SLC4A10: variants seen among roughly 807,000 people sequenced by gnomAD.
The protein encoded by SLC4A10 is solute carrier family 4 member 10.
A neutral mutation model predicts 137.7 loss-of-function variants in SLC4A10; 42 were observed. The ratio of observed to expected loss-of-function variants is 0.30; its 90% CI spans 0.24 to 0.39. The LOEUF (loss-of-function observed/expected upper bound fraction) is 0.39. Ranked by LOEUF, SLC4A10 falls within the 10% of genes least tolerant of loss-of-function variation. The probability of loss-of-function intolerance (pLI) is 1.00; values close to 1 mark genes in which losing one functional copy is unlikely to be tolerated. For missense variants in SLC4A10, 925 were observed against 1,355.0 expected (o/e 0.68, Z 4.98); for synonymous variants, 474 against 464.1 (o/e 1.02, Z -0.27).
At chr2:161,795,208 T>C (rs1239980079) in intron 2 of SLC4A10, among the ~76,000 whole-genome samples, 1 of 152,156 alleles carries the variant, frequency 6.6e-6, no homozygotes, top group Non-Finnish European at 1.5e-5. Context: ...TGTTTTTGAC[T>C]ATTTCAGCCT....
At chr2:161,797,066 T>C (rs548573565) in intron 2 of SLC4A10, among the ~76,000 whole-genome samples, 2 of 152,278 alleles carry the variant, frequency 1.3e-5, no homozygotes, top group African/African-American at 4.8e-5. Context: ...TCTCAGGACA[T>C]ATGTTGATCT....
chr2:161,809,086 G>T (rs901086032), intron 3 of SLC4A10, among the ~76,000 whole-genome samples: 47 of 151,978 alleles, frequency 3.1e-4, no homozygotes, highest in African/African-American at 1.1e-3. Flanking sequence ...ATTATTTTTT[G>T]ACTTTTTAAT....
intron 1 of SLC4A10, among the ~76,000 whole-genome samples, chr2:161,693,665 T>C (rs920637911): frequency 6.7e-6 from 1 of 149,216 alleles, no homozygotes; most frequent in African/African-American, 2.5e-5. Flanking sequence ...CTCTACAAAT[T>C]CGACTTTTTT....
chr2:161,821,541 A>C (rs1054598166), intron 3 of SLC4A10, among the ~76,000 whole-genome samples: 3 of 152,188 alleles, frequency 2.0e-5, no homozygotes, highest in Non-Finnish European at 2.9e-5. Flanking sequence ...AGGTGAGAGA[A>C]TTGCTTGAGC....
intron 1 of SLC4A10, among the ~76,000 whole-genome samples, chr2:161,748,450 G>T (rs71424715): frequency 0.015 from 2,269 of 151,818 alleles, 23 homozygotes; most frequent in Non-Finnish European, 0.023. Flanking sequence ...GTGTGTGTGT[G>T]TGTGTGTGTG....
intron 9 of SLC4A10, among the ~76,000 whole-genome samples, chr2:161,881,073 G>A (rs1236620430): frequency 6.6e-6 from 1 of 151,992 alleles, no homozygotes; most frequent in East Asian, 1.9e-4. Flanking sequence ...AGACTATTTA[G>A]TTAGGAAAGG....
intron 1 of SLC4A10, among the ~76,000 whole-genome samples, chr2:161,765,100 A>G (rs927985905): frequency 4.6e-5 from 7 of 152,112 alleles, no homozygotes; most frequent in African/African-American, 1.7e-4. Flanking sequence ...AGTGATGAGT[A>G]TTTTCAAATG....
chr2:161,887,743 A>G (rs1411213804), intron 10 of SLC4A10, among the ~76,000 whole-genome samples: 1 of 152,044 alleles, frequency 6.6e-6, no homozygotes, highest in East Asian at 1.9e-4. Context: ...ATTTTCTCCC[A>G]TTCTGTAGGT....
chr2:161,769,417 A>T (rs967680426), intron 1 of SLC4A10, among the ~76,000 whole-genome samples: 1 of 151,950 alleles, frequency 6.6e-6, no homozygotes, highest in Non-Finnish European at 1.5e-5. Flanking sequence ...ACTTAAGTCT[A>T]GTCAAAGATC....
chr2:161,904,138 C>T lies in SLC4A10; in HGVS notation c.1577C>T (p.Thr526Met), dbSNP rs1313617772. The change falls in exon 13 of 27, where the codon ACG (threonine) becomes ATG (methionine). Residue 526 changes from threonine (T) to methionine (M), a missense_variant. This residue lies in a region of SLC4A10 where 61 missense variants were observed against 168.0 expected (regional missense o/e 0.36). Coordinates refer to ENST00000446997, the MANE Select transcript of SLC4A10 (RefSeq NM_001178015.2). ...TGCGCGTGTATGTCTCCTGTCATCA[C>T]GTTTGGAGGACTGCTGGGAGAAGCA... ...LYCACMSPVI[T>M]FGGLLGEATE... 5 of 1,611,834 alleles carry T rather than the reference C, an allele frequency of 3.1e-6. No individual in the cohort carries two copies. Among genetic ancestry groups the T allele is most frequent in the Admixed American group, 1.7e-5 (1 of 59,720 alleles).
At position 161,905,754 on chromosome 2, in the gene SLC4A10, C is replaced by T. The variant is rs370148354; in HGVS notation, c.1864C>T (p.Arg622Trp). ...TAGTTCCCTTGTCTGCTACATCACT[C>T]GGTTTACTGAAGAAGCTTTTGCTTC... is the stretch of plus-strand genomic sequence containing the variant. Reference protein sequence around the residue: ...DASSLVCYITRFTEEAFASLI... With the variant: ...DASSLVCYITWFTEEAFASLI... Residue 622 changes from arginine to tryptophan, a missense_variant, in exon 15 of 27, where the codon CGG (arginine) becomes TGG (tryptophan). Arg to Trp is a moderately radical substitution (Grantham distance 101). This residue lies in a region of SLC4A10 where 61 missense variants were observed against 168.0 expected (regional missense o/e 0.36). Coordinates refer to ENST00000446997, the MANE Select transcript of SLC4A10 (RefSeq NM_001178015.2). 6.2e-7 allele frequency: 1 copy of T among 1,613,828 alleles called. No individual in the cohort carries two copies. The highest frequency in any genetic ancestry group is 1.3e-5 in the African/African-American group (1 of 74,906).
chr2:161,845,441 G>C (rs890217378), intron 4 of SLC4A10, among the ~76,000 whole-genome samples: 1 of 151,742 alleles, frequency 6.6e-6, no homozygotes, highest in African/African-American at 2.4e-5. Context: ...AAAACCTATG[G>C]GTACATCAAA....
chr2:161,966,565 A>T (rs188057162), intron 23 of SLC4A10, among the ~76,000 whole-genome samples: 14 of 152,216 alleles, frequency 9.2e-5, no homozygotes, highest in Admixed American at 2.6e-4. Context: ...ATTGGCTAAC[A>T]TGGTGAAACC....
intron 3 of SLC4A10, among the ~76,000 whole-genome samples, chr2:161,815,288 G>A (rs1204462453): frequency 6.6e-6 from 1 of 151,992 alleles, no homozygotes; most frequent in Admixed American, 6.6e-5. Flanking sequence ...TTTTGGGGGC[G>A]GTTTCCCTCA....
intron 1 of SLC4A10, among the ~76,000 whole-genome samples, chr2:161,724,667 TAGAA>T: frequency 6.6e-6 from 1 of 152,326 alleles, no homozygotes; most frequent in Non-Finnish European, 1.5e-5. Flanking sequence ...ACTGTTTAGA[TAGAA>T]AGAGGCAGAC....
chr2:161,710,232 A>C (rs2044131960), intron 1 of SLC4A10, among the ~76,000 whole-genome samples: 1 of 151,696 alleles, frequency 6.6e-6, no homozygotes, highest in Non-Finnish European at 1.5e-5. Flanking sequence ...TATACCTTTT[A>C]ATTGCAACAA....
intron 1 of SLC4A10, among the ~76,000 whole-genome samples, chr2:161,748,720 C>T (rs6755071): frequency 0.23 from 34,456 of 151,750 alleles, 4,713 homozygotes; most frequent in African/African-American, 0.39. Context: ...TTGTGATGCC[C>T]CCAACTGTGT....
intron 1 of SLC4A10, among the ~76,000 whole-genome samples, chr2:161,751,158 T>A (rs1204772008): frequency 6.6e-6 from 1 of 151,814 alleles, no homozygotes; most frequent in Non-Finnish European, 1.5e-5. Flanking sequence ...TCTTGCTTAT[T>A]TTTTGTTGTT....
At chr2:161,932,570 C>T (rs1440297119) in intron 15 of SLC4A10, among the ~76,000 whole-genome samples, 1 of 152,112 alleles carries the variant, frequency 6.6e-6, no homozygotes, top group Admixed American at 6.6e-5. Context: ...TAGGACTTGC[C>T]TCTGAGTCCC....
Sources: allele counts gnomAD v4.1 joint callset (sites outside exome capture counted in the v4.1 genomes callset), GRCh38; gene constraint gnomAD v4.1.1; regional missense constraint gnomAD v4.1.1; transcripts MANE v1.5; gene names NCBI Gene and HGNC (gene_info 2026-07-23, HGNC 2026-07-21).